OTOP1: variants seen among roughly 807,000 people sequenced by gnomAD.
The protein encoded by OTOP1 is proton channel OTOP1.
In OTOP1, 59 loss-of-function variants were observed where a neutral mutation model predicts 52.9. The observed-to-expected ratio is 1.12, with a 90% CI of 0.91 to 1.39. The LOEUF is 1.39. Among genes scored for constraint, OTOP1 ranks in the 40% most tolerant of loss-of-function variants. The pLI is 0.00. For synonymous variants in OTOP1, 317 were observed against 337.7 expected (o/e 0.94, Z 0.67); for missense variants, 761 against 800.9 (o/e 0.95, Z 0.60).
At chr4:4,226,391 C>A in intron 1 of OTOP1, 71 bp downstream of exon 1, 1 of 1,291,556 alleles carries the variant, frequency 7.7e-7, no homozygotes, top group South Asian at 1.7e-5. Flanking sequence ...GTAGGAAGGG[C>A]GCAGAGCAGC....
chr4:4,200,722 C>CTTTTT (rs1716764354), intron 4 of OTOP1, among the ~76,000 whole-genome samples: 2 of 35,902 alleles, frequency 5.6e-5, no homozygotes, highest in Admixed American at 2.3e-4. Flanking sequence ...AGCATGCCTG[C>CTTTTT]CTTTTTTTTT....
chr4:4,210,741 G>T (rs138919455), intron 2 of OTOP1, among the ~76,000 whole-genome samples: 46 of 152,278 alleles, frequency 3.0e-4, no homozygotes, highest in African/African-American at 1.1e-3. Context: ...TGAGGCAGGA[G>T]AATTGCTTCA....
chr4:4,219,168 C>T (rs1264107118), intron 1 of OTOP1, among the ~76,000 whole-genome samples: 1 of 152,066 alleles, frequency 6.6e-6, no homozygotes, highest in Non-Finnish European at 1.5e-5. Context: ...TGATGTAAAT[C>T]CTCCCACTAA....
In OTOP1 at chr4:4,202,505, G is replaced by C; in HGVS notation, c.673C>G (p.Gln225Glu). The C allele has an allele frequency of 2.5e-6, 4 of 1,614,076 alleles. No homozygotes were observed. The highest frequency in any genetic ancestry group is 3.4e-6 in the Non-Finnish European group (4 of 1,179,972). The change falls in exon 4 of 6, where the codon CAA becomes GAA. Residue 225 changes from glutamine to glutamate, a missense_variant. Gln to Glu is a conservative substitution (Grantham distance 29, BLOSUM62 2). Transcript: ENST00000296358. ...AGCCGTTCCTTGTGCTCATTGAGTT[G>C]GTGCTTTGACTCATTGAGGACGCCA... ...ANGVLNESKH[Q>E]LNEHKERLIT...
At chr4:4,190,140 A>T (rs1577172835) in intron 5 of OTOP1, among the ~76,000 whole-genome samples, 1 of 152,168 alleles carries the variant, frequency 6.6e-6, no homozygotes, top group Non-Finnish European at 1.5e-5. Flanking sequence ...GTATCCAGGG[A>T]CCTGCGGCTG....
chr4:4,201,271 A>T (rs1716780221), intron 4 of OTOP1, among the ~76,000 whole-genome samples: 1 of 152,030 alleles, frequency 6.6e-6, no homozygotes, highest in African/African-American at 2.4e-5. Context: ...TACTAAAAAT[A>T]TAAAAATTAG....
chr4:4,206,005 G>C (rs1716897966), intron 3 of OTOP1, 67 bp downstream of exon 3: 5 of 1,336,248 alleles, frequency 3.7e-6, no homozygotes, highest in Non-Finnish European at 4.3e-6. Context: ...AGATGGCAGT[G>C]ATGAGTTTTG....
intron 1 of OTOP1, among the ~76,000 whole-genome samples, chr4:4,217,002 A>G (rs915252927): frequency 6.6e-6 from 1 of 152,298 alleles, no homozygotes; most frequent in African/African-American, 2.4e-5. Flanking sequence ...CATCTCTAAC[A>G]AATTTTCAAG....
intron 2 of OTOP1, among the ~76,000 whole-genome samples, chr4:4,211,210 G>T (rs1397177332): frequency 6.6e-6 from 1 of 152,210 alleles, no homozygotes; most frequent in Non-Finnish European, 1.5e-5. Context: ...GGTACAAGCT[G>T]AAGGTCACTT....
intron 2 of OTOP1, among the ~76,000 whole-genome samples, chr4:4,212,655 G>A (rs1274580947): frequency 6.6e-6 from 1 of 152,124 alleles, no homozygotes; most frequent in Admixed American, 6.5e-5. Context: ...TGCCTCATAG[G>A]ATCCCTGCAA....
intron 2 of OTOP1, 100 bp downstream of exon 2, chr4:4,212,768 C>T (rs1717053042): frequency 2.2e-6 from 3 of 1,358,108 alleles, no homozygotes; most frequent in Admixed American, 3.5e-5. Context: ...GCTGTGCACA[C>T]TGTCTCCACC....
chr4:4,200,299 TC>T (rs1431713820), intron 4 of OTOP1, among the ~76,000 whole-genome samples: 1 of 151,724 alleles, frequency 6.6e-6, no homozygotes, highest in Non-Finnish European at 1.5e-5. Context: ...ACTGAGACCA[TC>T]CTGGCTCTAC....
intron 1 of OTOP1, among the ~76,000 whole-genome samples, chr4:4,221,650 T>C (rs1717302505): frequency 6.6e-6 from 1 of 152,130 alleles, no homozygotes; most frequent in Non-Finnish European, 1.5e-5. Context: ...GGCTCATTAG[T>C]TGTTTGTTTA....
intron 1 of OTOP1, among the ~76,000 whole-genome samples, chr4:4,214,665 A>G (rs1361169305): frequency 6.6e-6 from 1 of 152,242 alleles, no homozygotes; most frequent in Admixed American, 6.5e-5. Flanking sequence ...TGGATGAGCC[A>G]TGAGGACATT....
At chr4:4,219,622 A>G (rs1717231663) in intron 1 of OTOP1, among the ~76,000 whole-genome samples, 3 of 151,228 alleles carry the variant, frequency 2.0e-5, no homozygotes, top group Admixed American at 2.0e-4. Context: ...GCGTGAATCC[A>G]GGAGGCAGAG....
At chr4:4,221,350 G>C (rs562360609) in intron 1 of OTOP1, among the ~76,000 whole-genome samples, 1 of 152,258 alleles carries the variant, frequency 6.6e-6, no homozygotes, top group South Asian at 2.1e-4. Flanking sequence ...TTGAGCCCCA[G>C]AATTTGAGGC....
At chr4:4,198,381 A>G (rs979812756) in intron 4 of OTOP1, among the ~76,000 whole-genome samples, 1 of 150,642 alleles carries the variant, frequency 6.6e-6, no homozygotes, top group Non-Finnish European at 1.5e-5. Flanking sequence ...ATAGATATGT[A>G]GATGATAGAT....
chr4:4,210,898 A>G (rs1717010890), intron 2 of OTOP1, among the ~76,000 whole-genome samples: 1 of 152,102 alleles, frequency 6.6e-6, no homozygotes. Flanking sequence ...ATTTAACCTC[A>G]ATTTCCTCTA....
intron 4 of OTOP1, among the ~76,000 whole-genome samples, chr4:4,201,664 A>G (rs1251246753): frequency 1.3e-5 from 2 of 152,088 alleles, no homozygotes; most frequent in African/African-American, 4.8e-5. Context: ...TGGGTTTACA[A>G]AACTGCCACA....
Sources: allele counts gnomAD v4.1 joint callset (sites outside exome capture counted in the v4.1 genomes callset), GRCh38; gene constraint gnomAD v4.1.1; transcripts MANE v1.5; gene names NCBI Gene and HGNC (gene_info 2026-07-23, HGNC 2026-07-21).